Variants in SERPINI2 observed in about 807,000 individuals in gnomAD.
SERPINI2 encodes serpin family I member 2.
SERPINI2 carries 48 observed loss-of-function variants against 47.3 expected under a neutral mutation model. The observed-to-expected ratio is 1.02, with a 90% CI of 0.81 to 1.29. The LOEUF (loss-of-function observed/expected upper bound fraction) is 1.29. SERPINI2 is among the 50% of genes most tolerant of loss of function. The probability of loss-of-function intolerance (pLI) is 0.00; values close to 1 mark genes in which losing one functional copy is unlikely to be tolerated. For missense variants in SERPINI2, 448 were observed against 456.9 expected (o/e 0.98, Z 0.18); for synonymous variants, 135 against 149.3 (o/e 0.90, Z 0.70).
chr3:167,446,976 T>A (rs2108151059), intron 7 of SERPINI2: 1 of 152,254 alleles, frequency 6.6e-6, no homozygotes. Flanking sequence ...GTGCAGTGAA[T>A]GTGTGTGAGA....
chr3:167,448,520 T>G (rs1749544081), intron 7 of SERPINI2, among the ~76,000 whole-genome samples: 1 of 151,408 alleles, frequency 6.6e-6, no homozygotes, highest in Non-Finnish European at 1.5e-5. Context: ...AGTTTTGTTT[T>G]GTTTTGTTTT....
chr3:167,442,213 C>T (rs775689926), intron 8 of SERPINI2, 28 bp from the exon 9 acceptor site: 2 of 1,498,280 alleles, frequency 1.3e-6, no homozygotes, highest in Non-Finnish European at 1.8e-6. Context: ...AAAAAATATA[C>T]TTTAGGAATT....
At chr3:167,452,843 G>T in intron 6 of SERPINI2, 93 bp downstream of exon 6, 1 of 719,950 alleles carries the variant, frequency 1.4e-6, no homozygotes, top group Non-Finnish European at 2.3e-6. Flanking sequence ...ATTTATCAGA[G>T]CTGAATGCTC....
At chr3:167,462,477 C>T (rs367646370) in intron 5 of SERPINI2, among the ~76,000 whole-genome samples, 5 of 151,794 alleles carry the variant, frequency 3.3e-5, no homozygotes, top group African/African-American at 1.2e-4. Flanking sequence ...CATCTTCCCT[C>T]CATGCATATC....
intron 2 of SERPINI2, among the ~76,000 whole-genome samples, chr3:167,470,426 G>T (rs907145291): frequency 4.6e-5 from 7 of 151,900 alleles, no homozygotes; most frequent in Non-Finnish European, 1.0e-4. Context: ...TATAGTTGTA[G>T]CAACTAAATT....
intron 2 of SERPINI2, among the ~76,000 whole-genome samples, chr3:167,467,954 GA>G (rs1560236392): frequency 6.6e-6 from 1 of 152,126 alleles, no homozygotes; most frequent in African/African-American, 2.4e-5. Context: ...TCAACTAAAA[GA>G]ATCACTTTCG....
At chr3:167,442,178 A>T in exon 9 of SERPINI2, 1 of 1,589,238 alleles carries the variant, frequency 6.3e-7, no homozygotes, top group Non-Finnish European at 8.5e-7. Flanking sequence ...CCATAAACAG[A>T]ATTGATTCTA....
Position 167,442,188 on chromosome 3 carries a change from AG to A in SERPINI2, c.1142-4del. 6.4e-7 allele frequency: 1 copy of A among 1,566,930 alleles called. No homozygotes were observed. On this transcript the variant is annotated splice_region_variant and splice_polypyrimidine_tract_variant and intron_variant, in intron 8 of 8. Coordinates refer to ENST00000264677, the Ensembl canonical transcript of SERPINI2. ...TCTTCCCATAAACAGAATTGATTCTAGGGAAAAAAAAACAAAAAAATATACT... is the reference window on the plus strand; with the variant it reads ...TCTTCCCATAAACAGAATTGATTCTAGGAAAAAAAAACAAAAAAATATACT...
In SERPINI2 at chr3:167,453,269, T is replaced by A. The variant is rs9823367; in HGVS notation, c.867-236A>T. Among the ~76,000 whole-genome samples the A allele has an allele frequency of 2.0e-5, 3 of 151,990 alleles. No homozygotes were observed. In the East Asian group the frequency reaches 5.8e-4, roughly 29 times the overall value. Reference sequence around the variant, plus strand: ...AGGAAAGAGGGAACAGAAATTGCATTTTTTTTTGAAGTAACAATTACCCAA... The same window carrying A: ...AGGAAAGAGGGAACAGAAATTGCATATTTTTTTGAAGTAACAATTACCCAA... On this transcript the variant is annotated intron_variant, in intron 5 of 8. Coordinates refer to ENST00000264677, the Ensembl canonical transcript of SERPINI2.
At chr3:167,467,886 C>T (rs1304176733) in intron 2 of SERPINI2, among the ~76,000 whole-genome samples, 2 of 152,126 alleles carry the variant, frequency 1.3e-5, no homozygotes, top group African/African-American at 4.8e-5. Context: ...TCGACATCAA[C>T]AATAAAAATC....
intron 6 of SERPINI2, among the ~76,000 whole-genome samples, chr3:167,449,839 C>G (rs1749595299): frequency 6.6e-6 from 1 of 152,162 alleles, no homozygotes. Flanking sequence ...AATAAATGAA[C>G]TTTTTCCTAT....
intron 5 of SERPINI2, among the ~76,000 whole-genome samples, chr3:167,460,562 T>A (rs1749955218): frequency 6.6e-6 from 1 of 152,242 alleles, no homozygotes; most frequent in Non-Finnish European, 1.5e-5. Context: ...GCATTTTACA[T>A]GTAATGCTGT....
In SERPINI2 at chr3:167,467,039, A is replaced by C; in HGVS notation, c.478+16T>G. On this transcript the variant is annotated intron_variant, in intron 3 of 8. Transcript: ENST00000264677. ...ACAATGGCAAATAATAATTTTATGA[A>C]AATGGGAAACTTTACCATCTGTTTT... 1 of 1,556,200 alleles carries C rather than the reference A, an allele frequency of 6.4e-7. No homozygotes were observed. The highest frequency in any genetic ancestry group is 8.8e-7 in the Non-Finnish European group (1 of 1,139,634).
At chr3:167,459,888 T>TA (rs1577173737) in intron 5 of SERPINI2, among the ~76,000 whole-genome samples, 1 of 152,156 alleles carries the variant, frequency 6.6e-6, no homozygotes, top group East Asian at 1.9e-4. Context: ...TCGGTGTCCT[T>TA]ATAAGATATG....
intron 8 of SERPINI2, among the ~76,000 whole-genome samples, chr3:167,444,783 A>AT (rs1749425628): frequency 6.6e-6 from 1 of 152,216 alleles, no homozygotes; most frequent in Admixed American, 6.5e-5. Context: ...CTAGTTAAGC[A>AT]TTATCACAAA....
chr3:167,448,510 A>AGTTTT (rs1177111443), intron 7 of SERPINI2, among the ~76,000 whole-genome samples: 2 of 151,874 alleles, frequency 1.3e-5, no homozygotes, highest in South Asian at 2.1e-4. Flanking sequence ...TGGGCATAGG[A>AGTTTT]GTTTTGTTTT....
chr3:167,450,658 G>A (rs1394186162), intron 6 of SERPINI2, among the ~76,000 whole-genome samples: 1 of 150,084 alleles, frequency 6.7e-6, no homozygotes, highest in African/African-American at 2.5e-5. Context: ...ACTGAAATGC[G>A]AGAGAATTTC....
chr3:167,476,541 G>T (rs957425496), upstream of SERPINI2, among the ~76,000 whole-genome samples: 1 of 152,008 alleles, frequency 6.6e-6, no homozygotes, highest in Non-Finnish European at 1.5e-5. Context: ...TAGAGAGAAG[G>T]TCTGTCTGTA....
chr3:167,445,602 C>T (rs1210705850), intron 8 of SERPINI2, among the ~76,000 whole-genome samples: 1 of 152,152 alleles, frequency 6.6e-6, no homozygotes, highest in Non-Finnish European at 1.5e-5. Flanking sequence ...GGCATTTTGC[C>T]AAATATTGGC....
Sources: allele counts gnomAD v4.1 joint callset (sites outside exome capture counted in the v4.1 genomes callset), GRCh38; gene constraint gnomAD v4.1.1; transcripts MANE v1.5; gene names NCBI Gene and HGNC (gene_info 2026-07-23, HGNC 2026-07-21).